TMPRSS15: variants seen among roughly 807,000 people sequenced by gnomAD.
TMPRSS15 encodes the protein enteropeptidase.
A neutral mutation model predicts 125.3 loss-of-function variants in TMPRSS15; 128 were observed. The ratio of observed to expected loss-of-function variants is 1.02; its 90% CI spans 0.89 to 1.18. TMPRSS15 has a LOEUF of 1.18. TMPRSS15 is among the 50% of genes most tolerant of loss of function. The pLI, the probability that TMPRSS15 is intolerant of heterozygous loss-of-function variation, is 0.00. For missense variants in TMPRSS15, 1,283 were observed against 1,212.7 expected, an observed-to-expected ratio of 1.06 and a Z score of -0.86; for synonymous variants, 446 against 423.2, an observed-to-expected ratio of 1.05 and a Z score of -0.66.
chr21:18,402,452 C>T lies in TMPRSS15; in HGVS notation c.145+1026G>A, dbSNP rs553932600. On this transcript the variant is annotated intron_variant, in intron 1 of 24. Coordinates refer to ENST00000284885, the MANE Select transcript of TMPRSS15 (RefSeq NM_002772.3). The stretch of plus-strand genomic sequence containing the variant: ...GCTGAGGCAGGAGAATCACTTGAAC[C>T]CAGGAGGTGGAGGTTGCAGTGAGCC... Among the ~76,000 whole-genome samples the T allele has an allele frequency of 9.5e-5, 14 of 147,482 alleles. No individual in the cohort carries two copies. In the East Asian group the frequency reaches 2.8e-3, roughly 30 times the overall value.
At chr21:18,288,816 A>T (rs2074798825) in intron 21 of TMPRSS15, among the ~76,000 whole-genome samples, 1 of 152,054 alleles carries the variant, frequency 6.6e-6, no homozygotes. Flanking sequence ...GATTACAGGC[A>T]TGAGCCACCA....
intron 1 of TMPRSS15, among the ~76,000 whole-genome samples, chr21:18,479,264 C>T (rs1381049142): frequency 6.6e-6 from 1 of 151,936 alleles, no homozygotes; most frequent in Non-Finnish European, 1.5e-5. Context: ...TACATGCATA[C>T]AAATACATAC....
chr21:18,290,545 C>A lies in TMPRSS15; in HGVS notation c.2486+3725G>T, dbSNP rs2074821431. On this transcript the variant is annotated intron_variant, in intron 21 of 24. Transcript: ENST00000284885. ...AAGAATTTTCCTACCTAATAACTGACCTGTATTCAAAAATATTAAAAACAA... is the reference window on the plus strand; with the variant it reads ...AAGAATTTTCCTACCTAATAACTGAACTGTATTCAAAAATATTAAAAACAA... 4.6e-5 allele frequency among the ~76,000 whole-genome samples: 7 copies of A among 150,746 alleles called. No homozygotes were observed. The South Asian group carries it at 1.3e-3, about 27-fold the overall frequency.
chr21:18,452,009 A>G (rs1978347375), intron 1 of TMPRSS15, among the ~76,000 whole-genome samples: 1 of 138,056 alleles, frequency 7.2e-6, no homozygotes, highest in African/African-American at 3.3e-5. Flanking sequence ...GTTCAATTCA[A>G]AAAAAGATTC....
chr21:18,274,817 T>TTTTG (rs753338291), intron 24 of TMPRSS15, among the ~76,000 whole-genome samples: 2 of 152,024 alleles, frequency 1.3e-5, no homozygotes, highest in East Asian at 1.9e-4. Flanking sequence ...CAAGCCCTGT[T>TTTTG]TTTGTTTGTT....
chr21:18,353,085 A>G, intron 9 of TMPRSS15, 33 bp from the exon 10 acceptor site: 2 of 1,589,736 alleles, frequency 1.3e-6, no homozygotes, highest in Non-Finnish European at 1.7e-6. Flanking sequence ...AATAAAAAAA[A>G]TTTAGTCCAT....
intron 1 of TMPRSS15, among the ~76,000 whole-genome samples, chr21:18,441,660 ACAT>A (rs2076242035): frequency 7.8e-6 from 1 of 129,002 alleles, no homozygotes; most frequent in African/African-American, 3.1e-5. Flanking sequence ...ACTTTAGGAC[ACAT>A]TATTATTATT....
At chr21:18,454,079 C>T (rs1414333130) in intron 1 of TMPRSS15, among the ~76,000 whole-genome samples, 3 of 152,012 alleles carry the variant, frequency 2.0e-5, no homozygotes, top group Non-Finnish European at 4.4e-5. Context: ...AAATTAAATA[C>T]TAGAAAATTT....
chr21:18,351,770 T>C (rs1460089690), intron 10 of TMPRSS15, among the ~76,000 whole-genome samples: 1 of 152,162 alleles, frequency 6.6e-6, no homozygotes, highest in East Asian at 1.9e-4. Flanking sequence ...AGAGACTAGG[T>C]TTTTGTTCCT....
chr21:18,333,890 C>G (rs1215351099), intron 13 of TMPRSS15, among the ~76,000 whole-genome samples: 1 of 152,092 alleles, frequency 6.6e-6, no homozygotes, highest in Non-Finnish European at 1.5e-5. Flanking sequence ...CTAATTGTAT[C>G]TAATTCTTGT....
intron 8 of TMPRSS15, among the ~76,000 whole-genome samples, chr21:18,358,271 G>A (rs1314227124): frequency 6.6e-6 from 1 of 151,752 alleles, no homozygotes; most frequent in Non-Finnish European, 1.5e-5. Context: ...TTTATCTTCT[G>A]TATAATAGGG....
At chr21:18,294,809 C>T (rs13047771) in intron 19 of TMPRSS15, among the ~76,000 whole-genome samples, 157 bp from the exon 20 acceptor site, 26,557 of 152,080 alleles carry the variant, frequency 0.17, 2,985 homozygotes, top group African/African-American at 0.31. Flanking sequence ...GAAGAAGCCC[C>T]AGTTTAATGT....
chr21:18,439,215 T>C (rs1340919619), intron 1 of TMPRSS15, among the ~76,000 whole-genome samples: 2 of 152,190 alleles, frequency 1.3e-5, no homozygotes, highest in Non-Finnish European at 2.9e-5. Context: ...TGCATTGAAG[T>C]AGTTCATTAT....
At position 18,353,809 on chromosome 21, in the gene TMPRSS15, G is replaced by A. The variant is rs149710792; in HGVS notation, c.935C>T (p.Thr312Ile). 1.7e-3 allele frequency: 2,679 copies of A among 1,611,746 alleles called. 10 individuals carry two copies. The highest frequency in any genetic ancestry group is 7.9e-3 in the Middle Eastern group (48 of 6,042). ...ATCAGATTCTATAAGAAAGGTGGCA[G>A]TAACTTGGTTGGAAAAAATTCTTAT... is the stretch of plus-strand genomic sequence containing the variant. ...GTIRIFSNQV[T>I]ATFLIESDES... Residue 312 changes from threonine to isoleucine, a missense_variant, in exon 9 of 25, where the codon ACT becomes ATT. Transcript: ENST00000284885.
At chr21:18,416,103 T>C (rs777034392) in intron 1 of TMPRSS15, among the ~76,000 whole-genome samples, 4 of 151,820 alleles carry the variant, frequency 2.6e-5, no homozygotes, top group Non-Finnish European at 5.9e-5. Context: ...GAAATACTTA[T>C]ACAATGAAAA....
At chr21:18,354,373 T>A (rs963379003) in intron 8 of TMPRSS15, among the ~76,000 whole-genome samples, 2 of 151,842 alleles carry the variant, frequency 1.3e-5, no homozygotes, top group Non-Finnish European at 2.9e-5. Context: ...TACAGCATTT[T>A]ATATTGATGT....
chr21:18,372,102 G>A (rs2075797278), intron 6 of TMPRSS15, 91 bp downstream of exon 6: 3 of 772,902 alleles, frequency 3.9e-6, no homozygotes, highest in East Asian at 3.4e-5. Flanking sequence ...ATTAGAATGT[G>A]TGTGTGTGTG....
intron 21 of TMPRSS15, among the ~76,000 whole-genome samples, chr21:18,293,144 T>C (rs1218305461): frequency 2.6e-5 from 4 of 152,156 alleles, no homozygotes; most frequent in African/African-American, 9.7e-5. Flanking sequence ...TAGGCATAAG[T>C]GCAATCTTTT....
intron 7 of TMPRSS15, among the ~76,000 whole-genome samples, chr21:18,362,491 G>A (rs1036364445): frequency 1.3e-5 from 2 of 152,030 alleles, no homozygotes; most frequent in Admixed American, 6.6e-5. Context: ...AAGTGCAGAC[G>A]ATTTTCCACC....
Sources: gnomAD v4.1 joint callset for allele counts (sites outside exome capture counted in the v4.1 genomes callset) on GRCh38, gnomAD v4.1.1 for gene constraint, MANE v1.5 for transcripts, NCBI Gene and HGNC (gene_info 2026-07-23, HGNC 2026-07-21) for gene names.